The following RABGAP1L variants were observed in gnomAD, a reference collection of about 807,000 sequenced individuals.
RABGAP1L encodes RAB GTPase activating protein 1 like.
RABGAP1L carries 63 observed loss-of-function variants against 137.7 expected under a neutral mutation model. The observed-to-expected ratio is 0.46, with a 90% CI of 0.37 to 0.56. The LOEUF is 0.56. RABGAP1L is among the 20% of genes least tolerant of loss of function. RABGAP1L has a pLI of 0.00. For synonymous variants in RABGAP1L, 431 were observed against 433.7 expected, an observed-to-expected ratio of 0.99 and a Z score of 0.08; for missense variants, 1,095 against 1,244.0, an observed-to-expected ratio of 0.88 and a Z score of 1.80.
chr1:174,801,944 C>G (rs760163685), intron 18 of RABGAP1L, among the ~76,000 whole-genome samples: 1 of 152,208 alleles, frequency 6.6e-6, no homozygotes, highest in Admixed American at 6.5e-5. Flanking sequence ...CTTTGTGACT[C>G]AAAGGCTTCC....
intron 10 of RABGAP1L, among the ~76,000 whole-genome samples, chr1:174,294,512 T>C (rs1308705076): frequency 1.3e-5 from 2 of 152,198 alleles, no homozygotes; most frequent in African/African-American, 4.8e-5. Context: ...GTCATTACCA[T>C]GTCAGGAATT....
intron 19 of RABGAP1L, among the ~76,000 whole-genome samples, chr1:174,838,206 C>T (rs539074923): frequency 6.6e-6 from 1 of 152,292 alleles, no homozygotes; most frequent in South Asian, 2.1e-4. Flanking sequence ...ACTAATGTTT[C>T]TTGCTAATCA....
intron 11 of RABGAP1L, among the ~76,000 whole-genome samples, chr1:174,320,504 T>C (rs1257064904): frequency 1.3e-5 from 2 of 152,218 alleles, no homozygotes; most frequent in Admixed American, 6.5e-5. Flanking sequence ...TATTTCTAGC[T>C]ACTGGCTATC....
chr1:174,180,241 G>A (rs1446840726), intron 1 of RABGAP1L, among the ~76,000 whole-genome samples: 2 of 152,204 alleles, frequency 1.3e-5, no homozygotes, highest in African/African-American at 2.4e-5. Context: ...GAGCCAGACA[G>A]ACCTGGTTTG....
rs531886815 is a variant in RABGAP1L at position 174,456,948 on chromosome 1, A to G, written c.1710+62803A>G. Reference sequence around the variant, plus strand: ...CATTTCAAATCTATAAATTAGGTCAATAAATATTTATTGACTATGCTATGT... The same window carrying G: ...CATTTCAAATCTATAAATTAGGTCAGTAAATATTTATTGACTATGCTATGT... On this transcript the variant is annotated intron_variant, in intron 13 of 25. Coordinates refer to ENST00000681986, the MANE Select transcript of RABGAP1L (RefSeq NM_001366446.1). Among the ~76,000 whole-genome samples, 6 of 152,304 alleles carry G rather than the reference A, an allele frequency of 3.9e-5. No homozygotes were observed. In the South Asian group the frequency reaches 8.3e-4, roughly 21 times the overall value.
intron 1 of RABGAP1L, among the ~76,000 whole-genome samples, chr1:174,207,222 T>C (rs1668570297): frequency 6.6e-6 from 1 of 152,196 alleles, no homozygotes. Flanking sequence ...CAGTCTTAAC[T>C]AAATGCATTT....
chr1:174,162,777 GTTTTTTTTT>G (rs67811794), intron 1 of RABGAP1L, among the ~76,000 whole-genome samples: 129 of 51,554 alleles, frequency 2.5e-3, no homozygotes, highest in South Asian at 5.0e-3. Context: ...TTCTCTTTCT[GTTTTTTTTT>G]TTTTTTTTTT....
intron 19 of RABGAP1L, among the ~76,000 whole-genome samples, chr1:174,860,262 A>G (rs1187109171): frequency 1.3e-5 from 2 of 152,100 alleles, no homozygotes; most frequent in Non-Finnish European, 2.9e-5. Flanking sequence ...TCGCAACACA[A>G]TATTAAAAAA....
At chr1:174,967,078 A>G (rs1458501666) in intron 20 of RABGAP1L, among the ~76,000 whole-genome samples, 3 of 152,130 alleles carry the variant, frequency 2.0e-5, no homozygotes, top group South Asian at 2.1e-4. Context: ...TATTGTTACA[A>G]TGAGATTCTC....
At chr1:174,581,225 A>G (rs186484578) in intron 13 of RABGAP1L, among the ~76,000 whole-genome samples, 30 of 152,356 alleles carry the variant, frequency 2.0e-4, no homozygotes, top group African/African-American at 6.0e-4. Flanking sequence ...ACACAAATCT[A>G]TTTAGCAACA....
chr1:174,716,620 G>A (rs994646683), intron 17 of RABGAP1L, among the ~76,000 whole-genome samples: 3 of 152,038 alleles, frequency 2.0e-5, no homozygotes, highest in Admixed American at 1.3e-4. Context: ...TTGTCTCACC[G>A]GGACTTTCAG....
chr1:174,438,851 T>G (rs1249495413), intron 13 of RABGAP1L, among the ~76,000 whole-genome samples: 2 of 150,090 alleles, frequency 1.3e-5, no homozygotes, highest in Admixed American at 6.6e-5. Context: ...ACCTACTTTC[T>G]GTTTTTCAAG....
At chr1:174,248,161 G>C (rs1310712514) in intron 5 of RABGAP1L, among the ~76,000 whole-genome samples, 1 of 152,158 alleles carries the variant, frequency 6.6e-6, no homozygotes, top group Non-Finnish European at 1.5e-5. Flanking sequence ...GCTAAATCCA[G>C]TAACTATCCA....
chr1:174,327,967 ATAT>A lies in RABGAP1L; in HGVS notation c.1465+22841_1465+22843del, dbSNP rs1680604194. On this transcript the variant is annotated intron_variant, in intron 11 of 25. Transcript: ENST00000681986. ...ATATAACAGTTGTAAATATATATAT[ATAT>A]ATATATATACACACACATATATATA... 3.5e-4 allele frequency among the ~76,000 whole-genome samples: 5 copies of A among 14,112 alleles called. No individual in the cohort carries two copies. The Admixed American group carries it at 4.3e-3, about 12-fold the overall frequency. 9.3% of individuals were successfully genotyped at this position (14,112 alleles called of 152,430 possible).
intron 17 of RABGAP1L, among the ~76,000 whole-genome samples, chr1:174,717,761 G>GA (rs140892202): frequency 0.016 from 2,381 of 152,184 alleles, 64 homozygotes; most frequent in African/African-American, 0.055. Flanking sequence ...GTCTGGTGGT[G>GA]AACCGCATGA....
At chr1:174,563,032 A>G (rs1377529788) in intron 13 of RABGAP1L, among the ~76,000 whole-genome samples, 3 of 152,184 alleles carry the variant, frequency 2.0e-5, no homozygotes, top group African/African-American at 7.2e-5. Context: ...GAAGTTTGAT[A>G]TTATCATTTA....
At chr1:174,349,378 C>T (rs1488098165) in intron 11 of RABGAP1L, among the ~76,000 whole-genome samples, 1 of 138,802 alleles carries the variant, frequency 7.2e-6, no homozygotes, top group African/African-American at 2.7e-5. Flanking sequence ...CCACCTCCCT[C>T]CCGGACGGGG....
At chr1:174,803,025 C>T (rs1005220358) in intron 18 of RABGAP1L, among the ~76,000 whole-genome samples, 1 of 152,154 alleles carries the variant, frequency 6.6e-6, no homozygotes, top group Non-Finnish European at 1.5e-5. Context: ...TAAGCACATA[C>T]AAGTACTTTA....
At chr1:174,287,060 T>C (rs1177278685) in intron 10 of RABGAP1L, among the ~76,000 whole-genome samples, 2 of 152,104 alleles carry the variant, frequency 1.3e-5, no homozygotes, top group African/African-American at 4.8e-5. Flanking sequence ...TTTTCTATAG[T>C]GTTGTTCAAA....
Sources: allele counts gnomAD v4.1 joint callset (sites outside exome capture counted in the v4.1 genomes callset), GRCh38; gene constraint gnomAD v4.1.1; transcripts MANE v1.5; gene names NCBI Gene and HGNC (gene_info 2026-07-23, HGNC 2026-07-21).